LINC00632: variants seen among roughly 807,000 people sequenced by gnomAD.
LINC00632 encodes the protein ALDOA related specific transcript.
chrX:140,762,209 AAGAG>A (rs35880613), intron 3 of LINC00632, among the ~76,000 whole-genome samples: 2,010 of 66,889 alleles, frequency 0.03, 59 homozygotes, highest in African/African-American at 0.093. Context: ...GTTTTTCGAA[AAGAG>A]AGAGAGAGAG....
exon 5 of LINC00632, among the ~76,000 whole-genome samples, chrX:140,775,551 C>A (rs1931860055): frequency 8.9e-6 from 1 of 111,982 alleles, no homozygotes. Context: ...AATAACATCG[C>A]TGTTGTTTCT....
chrX:140,719,814 GT>G (rs1400346469), intron 2 of LINC00632, among the ~76,000 whole-genome samples: 1 of 108,827 alleles, frequency 9.2e-6, no homozygotes, highest in Non-Finnish European at 1.9e-5. Flanking sequence ...CCCAGGCCAG[GT>G]GTGGTGGCTC....
At chrX:140,743,834 C>A (rs1050541304) in intron 3 of LINC00632, among the ~76,000 whole-genome samples, 10 of 111,442 alleles carry the variant, frequency 9.0e-5, no homozygotes, top group South Asian at 7.6e-4. Flanking sequence ...CTCCTCTTGA[C>A]CTTGGAGTTG....
chrX:140,737,087 G>A (rs1185108514), intron 3 of LINC00632, among the ~76,000 whole-genome samples: 3 of 106,620 alleles, frequency 2.8e-5, no homozygotes, highest in African/African-American at 1.0e-4. Flanking sequence ...TTTAATAGAG[G>A]CAGGGTTTCA....
At chrX:140,754,851 T>TA (rs924314616) in intron 3 of LINC00632, among the ~76,000 whole-genome samples, 5 of 110,464 alleles carry the variant, frequency 4.5e-5, no homozygotes, top group Non-Finnish European at 7.6e-5. Flanking sequence ...GTTTTTTTTT[T>TA]AGCCTCACCC....
At chrX:140,746,250 G>A (rs1007659056) in intron 3 of LINC00632, among the ~76,000 whole-genome samples, 3 of 111,338 alleles carry the variant, frequency 2.7e-5, no homozygotes, top group African/African-American at 9.8e-5. Context: ...AACTTTTTGT[G>A]GTGAAACATT....
At chrX:140,783,765 A>G (rs1453152576) in exon 5 of LINC00632, 1 of 1,210,116 alleles carries the variant, frequency 8.3e-7, no homozygotes, top group African/African-American at 1.7e-5. Context: ...CTTCCAGCCA[A>G]TATATGTCTT....
intron 2 of LINC00632, among the ~76,000 whole-genome samples, chrX:140,725,248 C>T (rs1345800381): frequency 1.0e-5 from 1 of 99,009 alleles, no homozygotes; most frequent in Non-Finnish European, 2.1e-5. Context: ...TACACACACA[C>T]ACATTCCGTA....
At chrX:140,782,955 A>T (rs1602757767) in exon 5 of LINC00632, 2 of 112,075 alleles carry the variant, frequency 1.8e-5, no homozygotes, top group East Asian at 2.8e-4. Context: ...AAATGTCTAC[A>T]TCTGCTGTTG....
chrX:140,714,113 G>A (rs1027228833), intron 2 of LINC00632: 12 of 179,721 alleles, frequency 6.7e-5, no homozygotes, highest in African/African-American at 2.7e-4. Context: ...CCATAGACTC[G>A]TCCTAGAGCA....
At position 140,774,873 on chromosome X, in the gene LINC00632, A is replaced by G. The variant is rs886763147; in HGVS notation, n.2892A>G. On this transcript the variant is annotated non_coding_transcript_exon_variant, in exon 5 of 5. Transcript: ENST00000648200. ...AGAGTTTCGGGAACTCAACTATAGC[A>G]TTTAAGGAGTGGGCTGCTACTGTAC... Among the ~76,000 whole-genome samples, 5 of 111,665 alleles carry G rather than the reference A, an allele frequency of 4.5e-5. No homozygotes were observed. In the East Asian group the frequency reaches 8.4e-4, roughly 19 times the overall value.
At chrX:140,790,958 G>A in exon 5 of LINC00632, among the ~76,000 whole-genome samples, 1 of 110,764 alleles carries the variant, frequency 9.0e-6, no homozygotes, top group Non-Finnish European at 1.9e-5. Context: ...TAAAACATTT[G>A]TCTTTTCCTT....
intron 2 of LINC00632, among the ~76,000 whole-genome samples, chrX:140,722,535 C>T (rs976932307): frequency 4.5e-5 from 5 of 111,051 alleles, no homozygotes; most frequent in African/African-American, 1.6e-4. Context: ...ACAAGTCTGA[C>T]ATGCTGGAGA....
At chrX:140,768,634 CTATA>C (rs1045372257) in intron 3 of LINC00632, among the ~76,000 whole-genome samples, 1 of 58,114 alleles carries the variant, frequency 1.7e-5, no homozygotes, top group African/African-American at 4.7e-5. Flanking sequence ...AATATATATA[CTATA>C]TAATATATTT....
At chrX:140,748,981 CTT>C (rs905256208) in intron 3 of LINC00632, among the ~76,000 whole-genome samples, 2 of 108,263 alleles carry the variant, frequency 1.8e-5, no homozygotes, top group African/African-American at 6.7e-5. Context: ...GTATAAGTAA[CTT>C]TTTAGATGTG....
intron 2 of LINC00632, among the ~76,000 whole-genome samples, chrX:140,722,364 T>TAA (rs78229215): frequency 7.5e-4 from 70 of 93,461 alleles, no homozygotes; most frequent in African/African-American, 2.0e-3. Flanking sequence ...CACCTGCAGT[T>TAA]AAAAAAAAAA....
intron 3 of LINC00632, among the ~76,000 whole-genome samples, chrX:140,749,373 G>C (rs934270329): frequency 3.6e-5 from 4 of 111,910 alleles, no homozygotes; most frequent in Non-Finnish European, 7.5e-5. Context: ...GGATGGGAAA[G>C]TTTTTGTGAT....
chrX:140,721,496 C>T (rs1415370125), intron 2 of LINC00632, among the ~76,000 whole-genome samples: 2 of 111,104 alleles, frequency 1.8e-5, no homozygotes, highest in East Asian at 5.8e-4. Flanking sequence ...CTCTCATGCA[C>T]GGTTCACAAT....
intron 2 of LINC00632, among the ~76,000 whole-genome samples, chrX:140,730,301 A>G (rs949353195): frequency 9.0e-6 from 1 of 110,972 alleles, no homozygotes; most frequent in Non-Finnish European, 1.9e-5. Flanking sequence ...TGAATAACCC[A>G]CATACTTGAT....
Sources: gnomAD v4.1 joint callset for allele counts (sites outside exome capture counted in the v4.1 genomes callset) on GRCh38, gnomAD v4.1.1 for gene constraint, MANE v1.5 for transcripts, NCBI Gene and HGNC (gene_info 2026-07-23, HGNC 2026-07-21) for gene names.